The following MOB1B variants were observed in gnomAD, a reference collection of about 807,000 sequenced individuals.
MOB1B encodes MOB kinase activator 1B, also known as MOB1 Mps One Binder homolog B.
Under a neutral mutation model 24.4 loss-of-function variants are expected in MOB1B, and 19 were observed. The observed-to-expected ratio is 0.78, with a 90% CI of 0.54 to 1.14. The LOEUF (loss-of-function observed/expected upper bound fraction) is 1.14, where lower values mean the gene tolerates loss of function less well. Ranked by LOEUF, MOB1B falls within the 50% of genes most tolerant of loss-of-function variation. The pLI is 0.00. For synonymous variants in MOB1B, 76 were observed against 82.1 expected (o/e 0.93, Z 0.40); for missense variants, 243 against 259.6 (o/e 0.94, Z 0.44).
At chr4:70,955,390 C>A (rs1185727398) in intron 1 of MOB1B, among the ~76,000 whole-genome samples, 1 of 151,804 alleles carries the variant, frequency 6.6e-6, no homozygotes, top group Non-Finnish European at 1.5e-5. Context: ...TTATAGGAGA[C>A]CTCTTTTCCT....
At chr4:70,902,245 G>A, upstream of MOB1B, 1 of 553,932 alleles carries the variant, frequency 1.8e-6, no homozygotes, top group Non-Finnish European at 3.2e-6. Context: ...GCGAGAGCTC[G>A]TGAGGTGGGG....
At chr4:70,970,302 T>G (rs1738704345) in intron 3 of MOB1B, among the ~76,000 whole-genome samples, 1 of 152,204 alleles carries the variant, frequency 6.6e-6, no homozygotes, top group Admixed American at 6.5e-5. Flanking sequence ...GCTTATTCTC[T>G]TCTTCTCTTG....
At chr4:70,924,164 TGTAGTG>T (rs1346850913) in intron 1 of MOB1B, among the ~76,000 whole-genome samples, 7 of 152,318 alleles carry the variant, frequency 4.6e-5, no homozygotes, top group African/African-American at 1.7e-4. Flanking sequence ...GCTGGAGCTC[TGTAGTG>T]TTAGATTTAA....
At chr4:70,912,421 A>G (rs1450498442) in intron 1 of MOB1B, among the ~76,000 whole-genome samples, 1 of 151,922 alleles carries the variant, frequency 6.6e-6, no homozygotes, top group Non-Finnish European at 1.5e-5. Context: ...CTGGGATTAC[A>G]GGTGCCCGCC....
intron 1 of MOB1B, among the ~76,000 whole-genome samples, chr4:70,927,003 G>GAA (rs11461406): frequency 1.2e-3 from 168 of 141,088 alleles, no homozygotes; most frequent in Admixed American, 2.1e-3. Context: ...TCTCAAAAAA[G>GAA]AAAAAAAAAA....
chr4:70,921,429 A>G (rs562685026), intron 1 of MOB1B, among the ~76,000 whole-genome samples: 17 of 149,134 alleles, frequency 1.1e-4, no homozygotes, highest in Admixed American at 6.1e-4. Flanking sequence ...TAAAAAAAGA[A>G]TTGCCAAACT....
chr4:70,919,779 G>A (rs1217730443), intron 1 of MOB1B, among the ~76,000 whole-genome samples: 4 of 152,162 alleles, frequency 2.6e-5, no homozygotes, highest in African/African-American at 7.2e-5. Flanking sequence ...GATTACAGGC[G>A]TGAGCCACCA....
At chr4:70,902,636 G>A (rs1735560981) in intron 1 of MOB1B, 86 bp downstream of exon 1, 4 of 1,162,860 alleles carry the variant, frequency 3.4e-6, no homozygotes, top group Non-Finnish European at 4.5e-6. Context: ...GCCCGCCCTC[G>A]TCCCGACCCT....
chr4:70,975,417 G>T, intron 4 of MOB1B, 131 bp downstream of exon 4: 2 of 1,387,248 alleles, frequency 1.4e-6, no homozygotes, highest in Admixed American at 3.1e-5. Flanking sequence ...TATATGTTAC[G>T]CAGTTCCCAA....
chr4:70,926,701 A>G (rs1156773668), intron 1 of MOB1B, among the ~76,000 whole-genome samples: 1 of 152,176 alleles, frequency 6.6e-6, no homozygotes, highest in Non-Finnish European at 1.5e-5. Context: ...GGAGAAAGGA[A>G]GGGGTTTAGA....
chr4:70,984,822 C>G lies in MOB1B; in HGVS notation c.*2765C>G, dbSNP rs1167313096. The G allele has an allele frequency of 1.3e-5, 2 of 152,152 alleles. No homozygotes were observed. Among genetic ancestry groups the G allele is most frequent in the Non-Finnish European group, 2.9e-5 (2 of 68,006 alleles). The allele number at this position is 152,152 out of a possible 1,614,324, so 9.4% of individuals were successfully genotyped here. ...ATTTGCTGACTTGATTATTCCCTTT[C>G]TCTTAAAAACCATGGCATTAGACTG... On this transcript the variant is annotated 3_prime_UTR_variant, in exon 6 of 6. Transcript: ENST00000309395.
chr4:70,946,683 G>A (rs1439635156), intron 1 of MOB1B, among the ~76,000 whole-genome samples: 1 of 152,186 alleles, frequency 6.6e-6, no homozygotes, highest in African/African-American at 2.4e-5. Flanking sequence ...CAATCAATTA[G>A]TGGTTTATTT....
intron 1 of MOB1B, among the ~76,000 whole-genome samples, chr4:70,907,505 A>G (rs1172827338): frequency 1.3e-5 from 2 of 152,204 alleles, no homozygotes; most frequent in Non-Finnish European, 2.9e-5. Flanking sequence ...GAGTTAAAAC[A>G]AGTACATTTA....
chr4:70,973,930 C>G (rs28508004), intron 3 of MOB1B, among the ~76,000 whole-genome samples: 16,233 of 152,128 alleles, frequency 0.11, 1,910 homozygotes, highest in African/African-American at 0.29. Flanking sequence ...TAGTATTTTT[C>G]TGTTATATAT....
At chr4:70,941,160 CT>C (rs775651257) in intron 1 of MOB1B, among the ~76,000 whole-genome samples, 4,335 of 135,378 alleles carry the variant, frequency 0.032, 146 homozygotes, top group African/African-American at 0.11. Flanking sequence ...TACTTTGGCT[CT>C]TTTTTTTTTT....
intron 2 of MOB1B, among the ~76,000 whole-genome samples, chr4:70,967,088 A>G (rs896485357): frequency 6.6e-6 from 1 of 152,048 alleles, no homozygotes; most frequent in Non-Finnish European, 1.5e-5. Flanking sequence ...TTTTTTCTTA[A>G]TTTAGGAAAG....
intron 1 of MOB1B, among the ~76,000 whole-genome samples, chr4:70,924,340 AC>A (rs1736567780): frequency 6.6e-6 from 1 of 152,178 alleles, no homozygotes; most frequent in Non-Finnish European, 1.5e-5. Flanking sequence ...TGAACAGCAG[AC>A]CAATTCACAG....
chr4:70,926,662 G>A (rs1166477483), intron 1 of MOB1B, among the ~76,000 whole-genome samples: 4 of 152,082 alleles, frequency 2.6e-5, no homozygotes, highest in Admixed American at 6.6e-5. Context: ...GTGTAAAAGC[G>A]AAGTGTTAGG....
intron 2 of MOB1B, among the ~76,000 whole-genome samples, chr4:70,962,530 A>C (rs560841691): frequency 6.6e-6 from 1 of 152,310 alleles, no homozygotes; most frequent in South Asian, 2.1e-4. Flanking sequence ...TACACCTTTC[A>C]GAAAAATTAG....
Sources: allele counts gnomAD v4.1 joint callset (sites outside exome capture counted in the v4.1 genomes callset), GRCh38; gene constraint gnomAD v4.1.1; transcripts MANE v1.5; gene names NCBI Gene and HGNC (gene_info 2026-07-23, HGNC 2026-07-21).